CDC73: variants seen among roughly 807,000 people sequenced by gnomAD.
CDC73 encodes the protein cell division cycle 73.
In CDC73, 21 loss-of-function variants were observed where a neutral mutation model predicts 83.7. The ratio of observed to expected loss-of-function variants is 0.25; its 90% CI spans 0.18 to 0.36. CDC73 has a LOEUF of 0.36. Among genes scored for constraint, CDC73 ranks in the 10% least tolerant of loss-of-function variants. The pLI is 1.00. For missense variants in CDC73, 342 were observed against 653.3 expected (o/e 0.52, Z 5.19); for synonymous variants, 224 against 212.9 (o/e 1.05, Z -0.45).
At chr1:193,143,232 T>C (rs1396274372) in intron 7 of CDC73, among the ~76,000 whole-genome samples, 1 of 152,220 alleles carries the variant, frequency 6.6e-6, no homozygotes, top group Non-Finnish European at 1.5e-5. Flanking sequence ...CTTAGAATTA[T>C]AGAGAAATCT....
At chr1:193,179,739 C>A (rs1034674360) in intron 10 of CDC73, 1 of 152,394 alleles carries the variant, frequency 6.6e-6, no homozygotes, top group African/African-American at 2.4e-5. Flanking sequence ...TAAATACTTT[C>A]GTGAGAACTG....
chr1:193,148,077 T>C, intron 8 of CDC73, 112 bp downstream of exon 8: 1 of 776,470 alleles, frequency 1.3e-6, no homozygotes, highest in Admixed American at 2.0e-5. Context: ...TCTAAACCTT[T>C]TGCTCCTTTA....
chr1:193,235,700 A>G (rs767597299), intron 14 of CDC73, among the ~76,000 whole-genome samples: 1 of 152,232 alleles, frequency 6.6e-6, no homozygotes, highest in Non-Finnish European at 1.5e-5. Context: ...CAGTTGTAAA[A>G]CAATTGCAAA....
chr1:193,150,499 C>A (rs1212830744), intron 9 of CDC73, 117 bp downstream of exon 9: 1 of 720,662 alleles, frequency 1.4e-6, no homozygotes, highest in Admixed American at 2.2e-5. Flanking sequence ...CCAGATCTTA[C>A]CCACTGCAAT....
chr1:193,174,053 T>G (rs1321140313), intron 10 of CDC73, among the ~76,000 whole-genome samples: 1 of 152,142 alleles, frequency 6.6e-6, no homozygotes, highest in African/African-American at 2.4e-5. Flanking sequence ...AATAAAATTG[T>G]AAATTTTTTT....
intron 10 of CDC73, among the ~76,000 whole-genome samples, chr1:193,198,278 G>A (rs1471713851): frequency 6.6e-6 from 1 of 152,192 alleles, no homozygotes; most frequent in African/African-American, 2.4e-5. Context: ...AAATTTGTGT[G>A]TTGAAAATTA....
chr1:193,167,782 G>C (rs775457757), intron 10 of CDC73, among the ~76,000 whole-genome samples: 19 of 152,088 alleles, frequency 1.2e-4, no homozygotes, highest in Non-Finnish European at 2.6e-4. Flanking sequence ...CACAGTTGTA[G>C]TGTCATTGCA....
chr1:193,224,150 C>G (rs1286103915), intron 13 of CDC73, among the ~76,000 whole-genome samples: 3 of 151,940 alleles, frequency 2.0e-5, no homozygotes, highest in African/African-American at 4.8e-5. Flanking sequence ...TCCTCCACTC[C>G]CCCACCCTTC....
At position 193,237,899 on chromosome 1, in the gene CDC73, C is replaced by T. The variant is rs551047099; in HGVS notation, c.1417+1543C>T. Among the ~76,000 whole-genome samples, 7 of 152,198 alleles carry T rather than the reference C, an allele frequency of 4.6e-5. No homozygotes were observed. In the South Asian group the frequency reaches 1.0e-3, roughly 23 times the overall value. On this transcript the variant is annotated intron_variant, in intron 15 of 16. Transcript: ENST00000367435. ...ATTATGATAGCTTTTTATGTTATTTCTGAAACTTGAGTGATACACAGAGTT... is the reference window on the plus strand; with the variant it reads ...ATTATGATAGCTTTTTATGTTATTTTTGAAACTTGAGTGATACACAGAGTT...
At chr1:193,154,442 G>A (rs1303035224) in intron 10 of CDC73, among the ~76,000 whole-genome samples, 1 of 152,104 alleles carries the variant, frequency 6.6e-6, no homozygotes, top group East Asian at 1.9e-4. Flanking sequence ...TGATTCTGCG[G>A]CATCATCAGA....
chr1:193,159,330 A>T (rs1331906569), intron 10 of CDC73, among the ~76,000 whole-genome samples: 1 of 152,130 alleles, frequency 6.6e-6, no homozygotes. Context: ...CACCTTGTTT[A>T]GCATTGCCCT....
Position 193,247,675 on chromosome 1 carries a change from A to G in CDC73, c.1418-2055A>G, listed in dbSNP as rs530935524. Among the ~76,000 whole-genome samples, 7 of 152,236 alleles carry G rather than the reference A, an allele frequency of 4.6e-5. No individual in the cohort carries two copies. In the East Asian group the frequency reaches 1.2e-3, roughly 25 times the overall value. On this transcript the variant is annotated intron_variant, in intron 15 of 16. Transcript: ENST00000367435. Reference sequence around the variant, plus strand: ...CTACTCCAGTCGACACACAAATAATAAGAAAGCAAAACAACCTTATTGCTG... The same window carrying G: ...CTACTCCAGTCGACACACAAATAATGAGAAAGCAAAACAACCTTATTGCTG...
chr1:193,209,455 G>A (rs1246324530), intron 11 of CDC73, among the ~76,000 whole-genome samples: 1 of 152,186 alleles, frequency 6.6e-6, no homozygotes, highest in Non-Finnish European at 1.5e-5. Flanking sequence ...GCCGAGCAAA[G>A]TTAATCAGCT....
intron 15 of CDC73, among the ~76,000 whole-genome samples, chr1:193,238,214 C>T (rs1268550942): frequency 6.6e-6 from 1 of 152,166 alleles, no homozygotes; most frequent in Non-Finnish European, 1.5e-5. Context: ...TCCTTCTATA[C>T]TGACTCCTTT....
intron 10 of CDC73, chr1:193,180,285 T>C: frequency 6.5e-7 from 1 of 1,534,714 alleles, no homozygotes; most frequent in Non-Finnish European, 8.8e-7. Context: ...TGAAAAAAAA[T>C]TGTCTTTTCT....
In CDC73 at chr1:193,123,379, C is replaced by T. The variant is rs952812834; in HGVS notation, c.131+1048C>T. Reference sequence around the variant, plus strand: ...AGTAGCTGAGGTTGCAGGCCCCCGCCACCATGGCCGGCTAATTTATGTAGT... The same window carrying T: ...AGTAGCTGAGGTTGCAGGCCCCCGCTACCATGGCCGGCTAATTTATGTAGT... On this transcript the variant is annotated intron_variant, in intron 1 of 16. Coordinates refer to ENST00000367435, the MANE Select transcript of CDC73 (RefSeq NM_024529.5). Among the ~76,000 whole-genome samples, 6 of 152,268 alleles carry T rather than the reference C, an allele frequency of 3.9e-5. No homozygotes were observed. The South Asian group carries it at 1.2e-3, about 32-fold the overall frequency.
intron 10 of CDC73, among the ~76,000 whole-genome samples, chr1:193,200,878 A>G (rs1457558590): frequency 1.3e-5 from 2 of 151,530 alleles, no homozygotes; most frequent in South Asian, 2.1e-4. Context: ...TGCAGTGACT[A>G]CTCCACCTTT....
chr1:193,205,208 C>CCCCTT (rs145197340), intron 11 of CDC73, among the ~76,000 whole-genome samples: 1 of 82,492 alleles, frequency 1.2e-5, no homozygotes, highest in African/African-American at 6.6e-5. Context: ...CCCCCCCCCC[C>CCCCTT]TTTTTTTTTA....
rs1483158180 is a variant in CDC73 at position 193,197,736 on chromosome 1, G to A, written c.973-6059G>A. ...AGGTCAGGAGTTCAAGACCAGCCCG[G>A]CCAACATGGTGAAACCCCGTCTCTA... On this transcript the variant is annotated intron_variant, in intron 10 of 16. Transcript: ENST00000367435. Among the ~76,000 whole-genome samples the A allele has an allele frequency of 2.6e-5, 4 of 151,784 alleles. No individual in the cohort carries two copies. In the East Asian group the frequency reaches 5.8e-4, roughly 22 times the overall value.
Sources: gnomAD v4.1 joint callset for allele counts (sites outside exome capture counted in the v4.1 genomes callset) on GRCh38, gnomAD v4.1.1 for gene constraint, MANE v1.5 for transcripts, NCBI Gene and HGNC (gene_info 2026-07-23, HGNC 2026-07-21) for gene names.